Variants in TUBGCP2 observed in about 807,000 individuals in gnomAD.
TUBGCP2 encodes the protein gamma-tubulin complex component 2.
In TUBGCP2, 55 loss-of-function variants were observed where a neutral mutation model predicts 92.2. The observed-to-expected ratio is 0.60, with a 90% CI of 0.48 to 0.75. TUBGCP2 has a LOEUF of 0.75. Ranked by LOEUF, TUBGCP2 falls within the 30% of genes least tolerant of loss-of-function variation. The pLI is 0.00. For synonymous variants in TUBGCP2, 533 were observed against 505.2 expected (o/e 1.06, Z -0.74); for missense variants, 1,093 against 1,188.9 (o/e 0.92, Z 1.19).
intron 5 of TUBGCP2, chr10:133,296,050 C>G (rs905419756): frequency 2.0e-5 from 3 of 152,374 alleles, no homozygotes; most frequent in African/African-American, 7.2e-5. Flanking sequence ...TCCTGGGATG[C>G]TGAGTGTGCT....
rs775182852 is a variant in TUBGCP2, at chr10:133,292,444, ATGTCCCTCCGTGTCCCCG to A, written c.1214+37_1214+54del. On this transcript the variant is annotated intron_variant, in intron 8 of 17. Coordinates refer to ENST00000252936, the MANE Select transcript of TUBGCP2 (RefSeq NM_006659.4). ...GCAGCATGCACACTCCGTGTCCCCC[ATGTCCCTCCGTGTCCCCG>A]TGTCCCTCCGTGTCCCCGTGTCCCG... 120 of 451,958 alleles carry A rather than the reference ATGTCCCTCCGTGTCCCCG, an allele frequency of 2.7e-4. 45 individuals are homozygous for A. Among genetic ancestry groups the A allele is most frequent in the African/African-American group, 1.2e-3 (9 of 7,312 alleles). 28.0% of individuals were successfully genotyped at this position (451,958 alleles called of 1,614,324 possible).
chr10:133,305,172 A>C (rs190434756), intron 1 of TUBGCP2, among the ~76,000 whole-genome samples: 152 of 152,288 alleles, frequency 1.0e-3, no homozygotes, highest in African/African-American at 3.6e-3. Flanking sequence ...GTCTGCTCTC[A>C]TGTTCCATCC....
intron 15 of TUBGCP2, 32 bp from the exon 16 acceptor site, chr10:133,282,374 T>A: frequency 6.4e-7 from 1 of 1,563,704 alleles, no homozygotes; most frequent in Non-Finnish European, 8.7e-7. Flanking sequence ...GAAATGCTTC[T>A]GTTAGTTACA....
chr10:133,311,253 C>T (rs1332915960), upstream of TUBGCP2, among the ~76,000 whole-genome samples: 1 of 152,148 alleles, frequency 6.6e-6, no homozygotes, highest in Non-Finnish European at 1.5e-5. Flanking sequence ...ACTGGGAGAA[C>T]CCACTGCAAT....
At chr10:133,307,936 T>C (rs1284558845) in intron 1 of TUBGCP2, among the ~76,000 whole-genome samples, 1 of 152,152 alleles carries the variant, frequency 6.6e-6, no homozygotes, top group African/African-American at 2.4e-5. Context: ...CAGAGATATT[T>C]GTGTATCTAA....
At chr10:133,306,774 C>T (rs574433896) in intron 1 of TUBGCP2, among the ~76,000 whole-genome samples, 2 of 152,068 alleles carry the variant, frequency 1.3e-5, no homozygotes, top group Admixed American at 6.5e-5. Context: ...GGCAACAGAG[C>T]GAGACTCTGT....
chr10:133,285,459 T>A lies in TUBGCP2; in HGVS notation c.1892A>T (p.Asn631Ile). 2 of 1,613,534 alleles carry A rather than the reference T, an allele frequency of 1.2e-6. No homozygotes were observed. Among genetic ancestry groups the A allele is most frequent in the South Asian group, 1.1e-5 (1 of 91,058 alleles). ...IVKWPLSLII[N>I]RKALTRYQML... is the part of the protein sequence containing the mutation. ...TGCCCGAGCAGCCGACCCGCACCTGTTGATGATGAGCGAAAGGGGCCACTT... is the reference window on the plus strand; with the variant it reads ...TGCCCGAGCAGCCGACCCGCACCTGATGATGATGAGCGAAAGGGGCCACTT... Residue 631 changes from asparagine (N) to isoleucine (I), a missense_variant, in exon 12 of 18, where the codon AAC (asparagine) becomes ATC (isoleucine). Asn to Ile is a moderately radical substitution (Grantham distance 149, BLOSUM62 -3). This residue lies in a region of TUBGCP2 where 598 missense variants were observed against 675.5 expected (regional missense o/e 0.89). Transcript: ENST00000252936. The surrounding 1 kb of genome is among the most constrained non-coding windows in gnomAD (Gnocchi z 6.8).
In TUBGCP2 at chr10:133,283,903, G is replaced by A; in HGVS notation, c.2124C>T (p.Ile708=). 1 of 1,614,120 alleles carries A rather than the reference G, an allele frequency of 6.2e-7. No homozygotes were observed. Among genetic ancestry groups the A allele is most frequent in the Non-Finnish European group, 8.5e-7 (1 of 1,179,994 alleles). The part of the protein sequence containing the change: ...MFEVMEPTWH[I]LEKNLKSASN... ...TCACGGATTTCAGGTTTTTCTCCAG[G>A]ATGTGCCAGGTCGGTTCCATCACTT... Residue 708 remains isoleucine (I), a synonymous_variant, in exon 14 of 18, where the codon ATC becomes ATT. Coordinates refer to ENST00000252936, the MANE Select transcript of TUBGCP2 (RefSeq NM_006659.4).
At chr10:133,311,846 G>C, upstream of TUBGCP2, 1 of 1,613,396 alleles carries the variant, frequency 6.2e-7, no homozygotes, top group Non-Finnish European at 8.5e-7. Context: ...ACATAGGTCA[G>C]TGTCTGAGCT....
rs1022038393 is a variant in TUBGCP2, at chr10:133,300,045, T to C, written c.219A>G (p.Lys73=). 6.2e-7 allele frequency: 1 copy of C among 1,614,166 alleles called. No individual in the cohort carries two copies. The highest frequency in any genetic ancestry group is 8.5e-7 in the Non-Finnish European group (1 of 1,180,032). The change falls in exon 3 of 18, where the codon AAA becomes AAG. Residue 73 remains lysine (K), a synonymous_variant. Coordinates refer to ENST00000252936, the MANE Select transcript of TUBGCP2 (RefSeq NM_006659.4). ...FLKKYDELKS[K]NTRNLDPLVY... is the part of the protein sequence containing the mutation. The stretch of plus-strand genomic sequence containing the variant: ...CCAGCGGGTCAAGGTTCCTTGTATT[T>C]TTAGATTTCAGTTCATCATATTTCT...
chr10:133,311,259 G>A (rs1564779188), upstream of TUBGCP2, among the ~76,000 whole-genome samples: 1 of 152,168 alleles, frequency 6.6e-6, no homozygotes, highest in African/African-American at 2.4e-5. Context: ...AGAACCCACT[G>A]CAATGTGGGA....
chr10:133,284,177 G>A (rs1474263590), intron 13 of TUBGCP2, among the ~76,000 whole-genome samples, 175 bp from the exon 14 acceptor site: 2 of 152,130 alleles, frequency 1.3e-5, no homozygotes, highest in African/African-American at 2.4e-5. Context: ...CTGCTCCTGC[G>A]TCTGCCCAGC....
At chr10:133,300,147 GTAAT>G (rs1847607774) in intron 2 of TUBGCP2, 34 bp from the exon 3 acceptor site, 1 of 1,598,362 alleles carries the variant, frequency 6.3e-7, no homozygotes, top group South Asian at 1.1e-5. Flanking sequence ...TTTAATGACG[GTAAT>G]TAATAAAGCA....
chr10:133,279,755 A>G lies in TUBGCP2; in HGVS notation c.*11T>C, dbSNP rs1846916759. 2.6e-6 allele frequency: 4 copies of G among 1,549,136 alleles called. No individual in the cohort carries two copies. In the East Asian group the frequency reaches 9.8e-5, roughly 38 times the overall value. On this transcript the variant is annotated 3_prime_UTR_variant, in exon 18 of 18. Coordinates refer to ENST00000252936, the MANE Select transcript of TUBGCP2 (RefSeq NM_006659.4). ...TGACCCCACACCCTTCCTTCCTGTC[A>G]CAGCCAGGGCTCACTGTGCGGTGAC... is the stretch of plus-strand genomic sequence containing the variant.
intron 1 of TUBGCP2, among the ~76,000 whole-genome samples, chr10:133,306,979 T>C (rs1847836716): frequency 6.6e-6 from 1 of 151,946 alleles, no homozygotes; most frequent in African/African-American, 2.4e-5. Context: ...CAGAAGACCT[T>C]TGGAAAAGTC....
chr10:133,282,512 A>G (rs1847009757), intron 15 of TUBGCP2, among the ~76,000 whole-genome samples, 170 bp from the exon 16 acceptor site: 1 of 152,260 alleles, frequency 6.6e-6, no homozygotes, highest in Non-Finnish European at 1.5e-5. Context: ...CTGTGCCGAC[A>G]GAATTCCCAG....
chr10:133,308,229 C>T (rs552276155), intron 1 of TUBGCP2, among the ~76,000 whole-genome samples: 122 of 152,310 alleles, frequency 8.0e-4, no homozygotes, highest in Middle Eastern at 3.4e-3. Context: ...TGACGTCTGT[C>T]TCTCCTACAA....
intron 8 of TUBGCP2, chr10:133,290,195 G>A (rs939809238): frequency 4.9e-5 from 27 of 551,442 alleles, no homozygotes; most frequent in Non-Finnish European, 7.0e-5. Flanking sequence ...AACACTTCTC[G>A]GCTAAAACGA....
chr10:133,308,927 C>G (rs1460279234), upstream of TUBGCP2: 1 of 1,217,220 alleles, frequency 8.2e-7, no homozygotes, highest in East Asian at 3.4e-5. Context: ...AGGCTGCGCC[C>G]GCCCGCGCCC....
Sources: allele counts gnomAD v4.1 joint callset (sites outside exome capture counted in the v4.1 genomes callset), GRCh38; gene constraint gnomAD v4.1.1; regional missense constraint gnomAD v4.1.1; non-coding constraint Gnocchi (gnomAD v3.1); transcripts MANE v1.5; gene names NCBI Gene and HGNC (gene_info 2026-07-23, HGNC 2026-07-21).